The following PLCH1 variants were observed in gnomAD, a reference collection of about 807,000 sequenced individuals.
The protein encoded by PLCH1 is phospholipase C eta 1, also known as 1-phosphatidylinositol 4,5-bisphosphate phosphodiesterase eta-1.
In PLCH1, 60 loss-of-function variants were observed where a neutral mutation model predicts 126.7. The observed-to-expected ratio is 0.47, with a 90% CI of 0.38 to 0.59. The LOEUF (loss-of-function observed/expected upper bound fraction) is 0.59, where lower values mean the gene tolerates loss of function less well. PLCH1 is among the 20% of genes least tolerant of loss of function. PLCH1 has a pLI of 0.00. For synonymous variants in PLCH1, 719 were observed against 734.9 expected (o/e 0.98, Z 0.35); for missense variants, 1,723 against 2,040.0 (o/e 0.84, Z 2.99).
chr3:155,570,491 AAAG>A (rs1369041001), intron 6 of PLCH1, among the ~76,000 whole-genome samples: 1 of 152,230 alleles, frequency 6.6e-6, no homozygotes, highest in African/African-American at 2.4e-5. Context: ...ACTGGTGCTA[AAAG>A]AAGAACTTAA....
chr3:155,720,816 T>G (rs1446070907), intron 1 of PLCH1, among the ~76,000 whole-genome samples: 1 of 152,212 alleles, frequency 6.6e-6, no homozygotes, highest in Non-Finnish European at 1.5e-5. Flanking sequence ...TCTAGAAGGG[T>G]TTTTCCAATG....
At chr3:155,498,759 A>G (rs1717453376) in intron 14 of PLCH1, among the ~76,000 whole-genome samples, 1 of 152,124 alleles carries the variant, frequency 6.6e-6, no homozygotes, top group African/African-American at 2.4e-5. Flanking sequence ...TCATTACTTT[A>G]TCTAGTGCTG....
intron 2 of PLCH1, among the ~76,000 whole-genome samples, chr3:155,691,517 G>C (rs1045029777): frequency 6.6e-6 from 1 of 152,178 alleles, no homozygotes; most frequent in African/African-American, 2.4e-5. Context: ...GAGACTTCTA[G>C]GAATAACACA....
chr3:155,670,954 G>A (rs1053170964), intron 2 of PLCH1, among the ~76,000 whole-genome samples: 1 of 152,132 alleles, frequency 6.6e-6, no homozygotes, highest in African/African-American at 2.4e-5. Context: ...CCAACCTGTC[G>A]GCTGGGGAAA....
chr3:155,572,980 T>C (rs1729431084), intron 6 of PLCH1, among the ~76,000 whole-genome samples: 1 of 152,166 alleles, frequency 6.6e-6, no homozygotes, highest in African/African-American at 2.4e-5. Flanking sequence ...ACTCCTGGCC[T>C]CAAGCAATCT....
intron 2 of PLCH1, among the ~76,000 whole-genome samples, chr3:155,624,912 C>T (rs577381378): frequency 1.7e-4 from 26 of 152,086 alleles, no homozygotes; most frequent in African/African-American, 6.3e-4. Context: ...TCATATGGAA[C>T]AACAAAAGAG....
rs1268828934 is a variant in PLCH1, at chr3:155,724,809, G to A, written c.-41+20031C>T. Among the ~76,000 whole-genome samples, 6 of 141,170 alleles carry A rather than the reference G, an allele frequency of 4.3e-5. No individual in the cohort carries two copies. The East Asian group carries it at 1.1e-3, about 26-fold the overall frequency. 92.6% of individuals were successfully genotyped at this position (141,170 alleles called of 152,430 possible). A position where few individuals can be genotyped will look rare whatever the true frequency, so the allele number is the denominator to read the frequency against. ...TATTTGTTGCCTGAATACCTTGGGG[G>A]GTTTTGTGTGTGTGTGTGTGTGTGT... On this transcript the variant is annotated intron_variant, in intron 1 of 22. Coordinates refer to ENST00000460012, the MANE Select transcript of PLCH1 (RefSeq NM_014996.4).
chr3:155,537,514 T>C (rs1229012725), intron 10 of PLCH1, among the ~76,000 whole-genome samples: 2 of 151,878 alleles, frequency 1.3e-5, no homozygotes, highest in African/African-American at 4.8e-5. Flanking sequence ...TCACATAAGA[T>C]ATAAGGACTC....
intron 6 of PLCH1, among the ~76,000 whole-genome samples, chr3:155,580,537 C>T (rs1240199484): frequency 6.6e-6 from 1 of 152,010 alleles, no homozygotes; most frequent in South Asian, 2.1e-4. Context: ...CCAAGAGTAA[C>T]ATAATTTTCC....
chr3:155,578,568 A>C (rs1443883749), intron 6 of PLCH1, among the ~76,000 whole-genome samples: 3 of 152,234 alleles, frequency 2.0e-5, no homozygotes, highest in Admixed American at 2.0e-4. Context: ...AAAGGGGTTC[A>C]TTATAAATAA....
At chr3:155,667,667 G>A (rs1742881531) in intron 2 of PLCH1, among the ~76,000 whole-genome samples, 3 of 152,030 alleles carry the variant, frequency 2.0e-5, no homozygotes, top group Admixed American at 2.0e-4. Context: ...TTAACCTGCT[G>A]TTAAAGGAAC....
Position 155,503,315 on chromosome 3 carries a change from TA to T in PLCH1, c.1704+1239del, listed in dbSNP as rs200300740. Among the ~76,000 whole-genome samples, 960 of 152,342 alleles carry T rather than the reference TA, an allele frequency of 6.3e-3. 24 individuals are homozygous for T. Among genetic ancestry groups the T allele is most frequent in the Admixed American group, 0.043 (665 of 15,298 alleles). On this transcript the variant is annotated intron_variant, in intron 13 of 22. Coordinates refer to ENST00000460012, the MANE Select transcript of PLCH1 (RefSeq NM_014996.4). The stretch of plus-strand genomic sequence containing the variant: ...GGTTTTGAATTTAATATTGATGGAA[TA>T]AAACTGTATGTACTCTCTTGGGTCT...
intron 10 of PLCH1, 51 bp from the exon 11 acceptor site, chr3:155,524,055 GCCAA>G: frequency 9.2e-7 from 1 of 1,092,132 alleles, no homozygotes; most frequent in Non-Finnish European, 1.4e-6. Context: ...ATTCACAATA[GCCAA>G]AAGGTGGAAG....
intron 2 of PLCH1, among the ~76,000 whole-genome samples, chr3:155,627,248 G>T (rs1157567183): frequency 6.6e-6 from 1 of 152,136 alleles, no homozygotes; most frequent in Non-Finnish European, 1.5e-5. Flanking sequence ...GTCCTGCAGA[G>T]ATACTGACAT....
At chr3:155,734,710 C>CTTTTTT (rs1226347081) in intron 1 of PLCH1, among the ~76,000 whole-genome samples, 2 of 135,526 alleles carry the variant, frequency 1.5e-5, no homozygotes, top group Non-Finnish European at 1.6e-5. Context: ...TTTTCTTTTT[C>CTTTTTT]TTTTTTTTTT....
At chr3:155,486,723 AC>A (rs1715243535) in intron 21 of PLCH1, among the ~76,000 whole-genome samples, 2 of 151,518 alleles carry the variant, frequency 1.3e-5, no homozygotes, top group Non-Finnish European at 2.9e-5. Flanking sequence ...ACGGGGTTTC[AC>A]CTTGTTAGCC....
At chr3:155,458,377 AGAAAGAAAGAAGGAAGGAAGGAAG>A (rs1712523230) in intron 21 of PLCH1, among the ~76,000 whole-genome samples, 1 of 108,656 alleles carries the variant, frequency 9.2e-6, no homozygotes, top group South Asian at 3.3e-4. Context: ...GAAGAAAGAA[AGAAAGAAAGAAGGAAGGAAGGAAG>A]GAAGGAAGGA....
intron 4 of PLCH1, 96 bp from the exon 5 acceptor site, chr3:155,586,290 A>G (rs904031653): frequency 5.5e-6 from 7 of 1,267,712 alleles, no homozygotes; most frequent in Non-Finnish European, 7.8e-6. Flanking sequence ...GTAACACAGA[A>G]CTTGAGAAGA....
chr3:155,623,609 T>A (rs538102625), intron 2 of PLCH1, among the ~76,000 whole-genome samples: 7 of 152,130 alleles, frequency 4.6e-5, no homozygotes, highest in African/African-American at 1.7e-4. Context: ...ACAAACTACA[T>A]CAGAGAATAC....
Sources: gnomAD v4.1 joint callset for allele counts (sites outside exome capture counted in the v4.1 genomes callset) on GRCh38, gnomAD v4.1.1 for gene constraint, MANE v1.5 for transcripts, NCBI Gene and HGNC (gene_info 2026-07-23, HGNC 2026-07-21) for gene names.